NCOA1: variants seen among roughly 807,000 people sequenced by gnomAD.
NCOA1 encodes the protein nuclear receptor coactivator 1, also known as Hin-2 protein.
In NCOA1, 35 loss-of-function variants were observed where a neutral mutation model predicts 150.9. The observed-to-expected ratio is 0.23, with a 90% confidence interval of 0.18 to 0.31. NCOA1 has a LOEUF of 0.31. Ranked by LOEUF, NCOA1 falls within the 10% of genes least tolerant of loss-of-function variation. The pLI, the probability that NCOA1 is intolerant of heterozygous loss-of-function variation, is 1.00. For synonymous variants in NCOA1, 590 were observed against 630.0 expected, an observed-to-expected ratio of 0.94 and a Z score of 0.95; for missense variants, 1,491 against 1,749.3, an observed-to-expected ratio of 0.85 and a Z score of 2.63.
At chr2:24,730,256 C>T (rs1050580635) in intron 17 of NCOA1, among the ~76,000 whole-genome samples, 4 of 152,184 alleles carry the variant, frequency 2.6e-5, no homozygotes, top group Non-Finnish European at 5.9e-5. Context: ...CTTGAAGAGC[C>T]ATCCTTCCTC....
chr2:24,594,391 C>A (rs1326569927), intron 3 of NCOA1, among the ~76,000 whole-genome samples: 1 of 152,032 alleles, frequency 6.6e-6, no homozygotes, highest in East Asian at 1.9e-4. Flanking sequence ...ATTGCTGTCA[C>A]AATTGGGGCA....
chr2:24,539,654 G>C (rs1451306641), intron 1 of NCOA1, among the ~76,000 whole-genome samples: 1 of 152,126 alleles, frequency 6.6e-6, no homozygotes, highest in Non-Finnish European at 1.5e-5. Context: ...CTACCTTTTT[G>C]TATTCCTTCA....
intron 3 of NCOA1, among the ~76,000 whole-genome samples, chr2:24,605,944 C>T (rs777427182): frequency 3.3e-5 from 5 of 152,166 alleles, no homozygotes; most frequent in Non-Finnish European, 7.4e-5. Flanking sequence ...TAGACTTGTA[C>T]AGCGTTGTAT....
At chr2:24,628,128 C>G (rs1009776081) in intron 3 of NCOA1, among the ~76,000 whole-genome samples, 1 of 151,970 alleles carries the variant, frequency 6.6e-6, no homozygotes, top group Non-Finnish European at 1.5e-5. Context: ...GTTGAAACCC[C>G]GTCTCTACTA....
chr2:24,750,458 T>C (rs563380467), intron 19 of NCOA1, among the ~76,000 whole-genome samples: 1 of 152,350 alleles, frequency 6.6e-6, no homozygotes, highest in South Asian at 2.1e-4. Flanking sequence ...AGTTGAGTTT[T>C]GACAGGTCAG....
intron 4 of NCOA1, among the ~76,000 whole-genome samples, chr2:24,657,773 T>G (rs565902846): frequency 6.6e-6 from 1 of 152,324 alleles, no homozygotes; most frequent in South Asian, 2.1e-4. Flanking sequence ...AAGGAAAAGC[T>G]AAAGGTTCTC....
At chr2:24,600,025 T>C (rs2148354047) in intron 3 of NCOA1, among the ~76,000 whole-genome samples, 1 of 151,758 alleles carries the variant, frequency 6.6e-6, no homozygotes, top group East Asian at 2.0e-4. Context: ...GCCCAGCCGA[T>C]TAATCATTTT....
chr2:24,610,767 G>GT (rs200715486), intron 3 of NCOA1, among the ~76,000 whole-genome samples: 11,154 of 139,940 alleles, frequency 0.08, 435 homozygotes, highest in East Asian at 0.13. Context: ...ATTTATTGTG[G>GT]TTTTTTTTTT....
At chr2:24,644,422 T>G (rs1031018548) in intron 4 of NCOA1, among the ~76,000 whole-genome samples, 1 of 152,162 alleles carries the variant, frequency 6.6e-6, no homozygotes, top group Non-Finnish European at 1.5e-5. Context: ...GCTTCATATA[T>G]TTCTAACATA....
chr2:24,670,556 A>G (rs1671637336), intron 6 of NCOA1, among the ~76,000 whole-genome samples: 2 of 152,230 alleles, frequency 1.3e-5, no homozygotes, highest in South Asian at 4.1e-4. Context: ...TGCTAAGCCA[A>G]AGAAGAAGCC....
intron 1 of NCOA1, among the ~76,000 whole-genome samples, chr2:24,529,401 C>T (rs1222491927): frequency 6.6e-6 from 1 of 152,226 alleles, no homozygotes; most frequent in African/African-American, 2.4e-5. Context: ...AATCCTAGCT[C>T]ACTTCAGCCT....
At chr2:24,670,581 C>G (rs1026447243) in intron 6 of NCOA1, among the ~76,000 whole-genome samples, 8 of 152,024 alleles carry the variant, frequency 5.3e-5, no homozygotes, top group African/African-American at 1.9e-4. Context: ...CACATATGAC[C>G]ACATATTGTA....
chr2:24,734,817 TAAAAC>T (rs1663213982), intron 17 of NCOA1, among the ~76,000 whole-genome samples: 1 of 151,558 alleles, frequency 6.6e-6, no homozygotes, highest in South Asian at 2.1e-4. Flanking sequence ...AAAAAAAAAT[TAAAAC>T]AGTGTGGAAC....
In NCOA1 at chr2:24,707,508, C is replaced by G; in HGVS notation, c.2038C>G (p.His680Asp). 1 of 1,614,188 alleles carries G rather than the reference C, an allele frequency of 6.2e-7. No individual in the cohort carries two copies. The highest frequency in any genetic ancestry group is 1.1e-5 in the South Asian group (1 of 91,078). The part of the protein sequence containing the change: ...NSSGGSCPSS[H>D]SSLTERHKIL... ...TTCAGGAGGTTCTTGTCCCTCTTCTCATAGCTCATTGACAGAACGGCATAA... is the reference window on the plus strand; with the variant it reads ...TTCAGGAGGTTCTTGTCCCTCTTCTGATAGCTCATTGACAGAACGGCATAA... The change falls in exon 13 of 23, where the codon CAT becomes GAT. Residue 680 changes from histidine to aspartate, a missense_variant. By Grantham distance (81) the His-to-Asp change is moderately conservative. This residue lies in a region of NCOA1 where 703 missense variants were observed against 717.7 expected (regional missense o/e 0.98). Coordinates refer to ENST00000348332, the MANE Select transcript of NCOA1 (RefSeq NM_003743.5).
At chr2:24,512,151 C>T (rs1173957927) in intron 1 of NCOA1, among the ~76,000 whole-genome samples, 1 of 152,084 alleles carries the variant, frequency 6.6e-6, no homozygotes, top group Non-Finnish European at 1.5e-5. Flanking sequence ...AGAGTAGAGC[C>T]CTCTGCATCT....
intron 1 of NCOA1, among the ~76,000 whole-genome samples, chr2:24,558,700 A>T (rs1666178812): frequency 1.3e-5 from 2 of 152,318 alleles, no homozygotes; most frequent in East Asian, 3.9e-4. Context: ...TAGAGGGAAA[A>T]GTTTATTGCA....
At chr2:24,609,566 C>CTA (rs2148379963) in intron 3 of NCOA1, among the ~76,000 whole-genome samples, 1 of 152,228 alleles carries the variant, frequency 6.6e-6, no homozygotes, top group African/African-American at 2.4e-5. Flanking sequence ...CTGCAGTGTG[C>CTA]TATGATCATG....
chr2:24,523,940 A>AG (rs1268396124), intron 1 of NCOA1, among the ~76,000 whole-genome samples: 120 of 149,270 alleles, frequency 8.0e-4, no homozygotes, highest in Admixed American at 2.9e-3. Flanking sequence ...AAAAAAAAAA[A>AG]AAAAAAAAAA....
chr2:24,710,872 A>G (rs1673715427), intron 13 of NCOA1, 59 bp from the exon 14 acceptor site: 9 of 1,513,170 alleles, frequency 5.9e-6, no homozygotes, highest in African/African-American at 2.8e-5. Flanking sequence ...ATTTTTTTCT[A>G]CGTTGTTTCA....
Sources: gnomAD v4.1 joint callset for allele counts (sites outside exome capture counted in the v4.1 genomes callset) on GRCh38, gnomAD v4.1.1 for gene constraint, gnomAD v4.1.1 regional missense constraint, MANE v1.5 for transcripts, NCBI Gene and HGNC (gene_info 2026-07-23, HGNC 2026-07-21) for gene names.